Variants in C12orf56 observed in about 807,000 individuals in gnomAD.
The protein encoded by C12orf56 is chromosome 12 open reading frame 56.
In C12orf56, 71 loss-of-function variants were observed where a neutral mutation model predicts 69.9. The ratio of observed to expected loss-of-function variants is 1.02; its 90% confidence interval spans 0.84 to 1.24. The LOEUF is 1.24. Among genes scored for constraint, C12orf56 ranks in the 50% most tolerant of loss-of-function variants. The pLI is 0.00. For missense variants in C12orf56, 732 were observed against 738.5 expected, an observed-to-expected ratio of 0.99 and a Z score of 0.10; for synonymous variants, 276 against 274.1, an observed-to-expected ratio of 1.01 and a Z score of -0.07.
rs576841710 is a variant in C12orf56 at position 64,331,048 on chromosome 12, G to A, written c.416-16C>T. The A allele has an allele frequency of 1.2e-4, 177 of 1,438,344 alleles. No individual in the cohort carries two copies. Among genetic ancestry groups the A allele is most frequent in the Non-Finnish European group, 1.6e-4 (172 of 1,053,790 alleles). The allele number at this position is 1,438,344 out of a possible 1,614,324, so 89.1% of individuals were successfully genotyped here. On this transcript the variant is annotated splice_polypyrimidine_tract_variant and intron_variant, in intron 2 of 12. Transcript: ENST00000543942. ...TCTTCCTTGACTTAAAAAAAAAATAGTTATTTGGTCATTAATTAAATAATT... is the reference window on the plus strand; with the variant it reads ...TCTTCCTTGACTTAAAAAAAAAATAATTATTTGGTCATTAATTAAATAATT...
chr12:64,279,072 CT>C (rs1016793429), intron 8 of C12orf56, among the ~76,000 whole-genome samples: 17 of 151,980 alleles, frequency 1.1e-4, no homozygotes, highest in African/African-American at 3.6e-4. Context: ...TACAGCATTT[CT>C]TTTTTTTAAA....
intron 9 of C12orf56, among the ~76,000 whole-genome samples, chr12:64,277,359 T>G (rs1245470794): frequency 6.6e-6 from 1 of 152,164 alleles, no homozygotes; most frequent in Non-Finnish European, 1.5e-5. Flanking sequence ...CATCATGTTT[T>G]GTACACAGAC....
intron 8 of C12orf56, among the ~76,000 whole-genome samples, chr12:64,283,903 T>C (rs1003087149): frequency 7.6e-6 from 1 of 131,230 alleles, no homozygotes; most frequent in African/African-American, 2.8e-5. Flanking sequence ...TATTTTAGAG[T>C]ATCTATTTTT....
chr12:64,362,153 AC>A (rs1247875999), intron 1 of C12orf56, among the ~76,000 whole-genome samples: 2 of 152,090 alleles, frequency 1.3e-5, no homozygotes, highest in African/African-American at 4.8e-5. Flanking sequence ...AGTAACAGCA[AC>A]TAGCTGTCTT....
chr12:64,356,257 T>C (rs2039316269), intron 1 of C12orf56, among the ~76,000 whole-genome samples: 2 of 152,000 alleles, frequency 1.3e-5, no homozygotes, highest in African/African-American at 4.8e-5. Context: ...TTGGTCATGT[T>C]AATGAATGTG....
chr12:64,302,660 G>A (rs1359802663), intron 6 of C12orf56, among the ~76,000 whole-genome samples: 1 of 152,062 alleles, frequency 6.6e-6, no homozygotes, highest in Admixed American at 6.6e-5. Context: ...ACCACACCAG[G>A]TCACTCCCCT....
intron 3 of C12orf56, among the ~76,000 whole-genome samples, chr12:64,325,607 C>T (rs1056042052): frequency 6.6e-6 from 1 of 152,062 alleles, no homozygotes; most frequent in Non-Finnish European, 1.5e-5. Context: ...TTCTGAGCTT[C>T]GGGATTATCT....
chr12:64,309,000 A>AAGAAAAGAAAGAAG (rs1565749196), intron 5 of C12orf56, among the ~76,000 whole-genome samples: 3 of 151,368 alleles, frequency 2.0e-5, no homozygotes, highest in Non-Finnish European at 4.4e-5. Flanking sequence ...AAAGAAGGAA[A>AAGAAAAGAAAGAAG]GAAAGAAGAA....
chr12:64,286,085 G>C, intron 6 of C12orf56, 25 bp from the exon 7 acceptor site: 1 of 1,411,904 alleles, frequency 7.1e-7, no homozygotes, highest in Non-Finnish European at 9.9e-7. Context: ...TGGAAAAAAA[G>C]ACAGTAATTA....
intron 1 of C12orf56, among the ~76,000 whole-genome samples, chr12:64,381,828 G>A (rs1483009589): frequency 6.6e-6 from 1 of 152,140 alleles, no homozygotes; most frequent in East Asian, 1.9e-4. Context: ...GCAAGTTAAA[G>A]ACTGAATCAA....
rs139240511 is a variant in C12orf56, at chr12:64,385,944, T to C, written c.252+4370A>G. Among the ~76,000 whole-genome samples, 253 of 152,194 alleles carry C rather than the reference T, an allele frequency of 1.7e-3. 3 individuals are homozygous for C. The highest frequency in any genetic ancestry group is 2.1e-3 in the East Asian group (11 of 5,170). Reference sequence around the variant, plus strand: ...AATCCTCCCGAGGTGGGAGGATCATTTGAGGACAGGAGTTTGAGACCAGCC... The same window carrying C: ...AATCCTCCCGAGGTGGGAGGATCATCTGAGGACAGGAGTTTGAGACCAGCC... On this transcript the variant is annotated intron_variant, in intron 1 of 12. Coordinates refer to ENST00000543942, the MANE Select transcript of C12orf56 (RefSeq NM_001170633.2).
intron 3 of C12orf56, among the ~76,000 whole-genome samples, chr12:64,321,463 C>T (rs2038772010): frequency 6.6e-6 from 1 of 152,086 alleles, no homozygotes; most frequent in Non-Finnish European, 1.5e-5. Context: ...GCATGAGCCA[C>T]TGTTCCCAGC....
chr12:64,388,423 T>C (rs764783862), intron 1 of C12orf56, among the ~76,000 whole-genome samples: 27 of 152,076 alleles, frequency 1.8e-4, no homozygotes, highest in Non-Finnish European at 3.5e-4. Flanking sequence ...TTTATTTTTA[T>C]TTTTGTAGAG....
chr12:64,364,138 C>T (rs1218412769), intron 1 of C12orf56, among the ~76,000 whole-genome samples: 1 of 151,826 alleles, frequency 6.6e-6, no homozygotes, highest in East Asian at 1.9e-4. Flanking sequence ...CATGGGGAAA[C>T]TCTGTGTCTA....
At chr12:64,348,685 A>C (rs887008466) in intron 2 of C12orf56, among the ~76,000 whole-genome samples, 1 of 152,202 alleles carries the variant, frequency 6.6e-6, no homozygotes, top group African/African-American at 2.4e-5. Context: ...ATTTTAGGGA[A>C]TAATATTAAT....
chr12:64,278,010 G>A (rs778040032), intron 8 of C12orf56, among the ~76,000 whole-genome samples: 2 of 152,130 alleles, frequency 1.3e-5, no homozygotes, highest in African/African-American at 2.4e-5. Context: ...TGGTCTTCTG[G>A]CTCAGAGCGA....
intron 6 of C12orf56, among the ~76,000 whole-genome samples, chr12:64,294,340 C>A (rs2038335677): frequency 6.6e-6 from 1 of 152,036 alleles, no homozygotes; most frequent in Admixed American, 6.6e-5. Context: ...TGAGTATATA[C>A]CCAAAAGAAT....
intron 5 of C12orf56, among the ~76,000 whole-genome samples, chr12:64,306,785 A>G (rs1041819482): frequency 6.6e-6 from 1 of 152,194 alleles, no homozygotes; most frequent in African/African-American, 2.4e-5. Flanking sequence ...GGCTCTTCCT[A>G]TATTATCTCA....
chr12:64,338,941 A>C (rs891475119), intron 2 of C12orf56: 6 of 508,692 alleles, frequency 1.2e-5, no homozygotes, highest in South Asian at 2.2e-5. Flanking sequence ...TGAGGCATGG[A>C]CACTGAGATG....
Sources: gnomAD v4.1 joint callset for allele counts (sites outside exome capture counted in the v4.1 genomes callset) on GRCh38, gnomAD v4.1.1 for gene constraint, MANE v1.5 for transcripts, NCBI Gene and HGNC (gene_info 2026-07-23, HGNC 2026-07-21) for gene names.